The following TBX19 variants were observed in gnomAD, a reference collection of about 807,000 sequenced individuals.
TBX19 encodes the protein T-box transcription factor TBX19.
A neutral mutation model predicts 40.9 loss-of-function variants in TBX19; 33 were observed. The observed-to-expected ratio is 0.81, with a 90% CI of 0.61 to 1.08. The LOEUF (loss-of-function observed/expected upper bound fraction) is 1.08, where lower values mean the gene tolerates loss of function less well. Ranked by LOEUF, TBX19 falls within the 50% of genes least tolerant of loss-of-function variation. The pLI is 0.00. For missense variants in TBX19, 494 were observed against 574.0 expected (o/e 0.86, Z 1.42); for synonymous variants, 220 against 225.0 (o/e 0.98, Z 0.20).
intron 6 of TBX19, among the ~76,000 whole-genome samples, chr1:168,306,946 G>T (rs1649418436): frequency 6.6e-6 from 1 of 152,212 alleles, no homozygotes; most frequent in Non-Finnish European, 1.5e-5. Flanking sequence ...TTTAAATGGA[G>T]CCTTGAAAGA....
chr1:168,289,588 T>C (rs1176727009), intron 1 of TBX19, among the ~76,000 whole-genome samples: 2 of 152,234 alleles, frequency 1.3e-5, no homozygotes, highest in Non-Finnish European at 2.9e-5. Flanking sequence ...ATACTTGTCC[T>C]AGCCTCCCAT....
chr1:168,288,021 T>C (rs1278072811), intron 1 of TBX19, among the ~76,000 whole-genome samples: 1 of 152,196 alleles, frequency 6.6e-6, no homozygotes, highest in Non-Finnish European at 1.5e-5. Flanking sequence ...TGTATTTCAC[T>C]TAAGTGAAAT....
chr1:168,313,026 C>T lies in TBX19; in HGVS notation c.*24C>T. On this transcript the variant is annotated 3_prime_UTR_variant, in exon 8 of 8. Coordinates refer to ENST00000367821, the MANE Select transcript of TBX19 (RefSeq NM_005149.3). ...AAGCAGGATCCTAGGAGCCTCTTTG[C>T]ACAGCGATCCTTCCATGTGTAGAGT... The T allele has an allele frequency of 6.2e-7, 1 of 1,613,666 alleles. No homozygotes were observed.
At chr1:168,283,379 A>G (rs899676797) in intron 1 of TBX19, among the ~76,000 whole-genome samples, 8 of 152,228 alleles carry the variant, frequency 5.3e-5, no homozygotes, top group Admixed American at 2.6e-4. Context: ...TTGCCAGGAG[A>G]TAGAAAGTTT....
At position 168,294,307 on chromosome 1, in the gene TBX19, A is replaced by G. The variant is rs185274242; in HGVS notation, c.603+1029A>G. 2.1e-3 allele frequency among the ~76,000 whole-genome samples: 316 copies of G among 151,906 alleles called. 4 individuals are homozygous for G. Among genetic ancestry groups the G allele is most frequent in the Middle Eastern group, 6.9e-3 (2 of 288 alleles). On this transcript the variant is annotated intron_variant, in intron 3 of 7. Coordinates refer to ENST00000367821, the MANE Select transcript of TBX19 (RefSeq NM_005149.3). Reference sequence around the variant, plus strand: ...TATTTCACGTAATCAGCCCCCCACCAATGGACATTTAAGTTGTTTCCAACT... The same window carrying G: ...TATTTCACGTAATCAGCCCCCCACCGATGGACATTTAAGTTGTTTCCAACT...
chr1:168,297,854 A>G (rs35031496), intron 4 of TBX19, 69 bp downstream of exon 4: 80,317 of 1,367,934 alleles, frequency 0.059, 2,841 homozygotes, highest in East Asian at 0.15. Context: ...GGAATTTATG[A>G]TTATCTTGAA....
intron 4 of TBX19, among the ~76,000 whole-genome samples, chr1:168,298,182 C>A (rs537434715): frequency 2.0e-5 from 3 of 151,992 alleles, no homozygotes; most frequent in African/African-American, 4.8e-5. Context: ...GGCGACAGAG[C>A]GAGACTCCGT....
At chr1:168,305,651 A>G (rs1649388199) in intron 6 of TBX19, among the ~76,000 whole-genome samples, 1 of 152,190 alleles carries the variant, frequency 6.6e-6, no homozygotes, top group Admixed American at 6.5e-5. Context: ...CTGGATCCCT[A>G]TATGTTCAGG....
At chr1:168,295,247 C>T (rs897527028) in intron 3 of TBX19, among the ~76,000 whole-genome samples, 7 of 151,758 alleles carry the variant, frequency 4.6e-5, no homozygotes, top group Non-Finnish European at 7.4e-5. Flanking sequence ...GCCGAGATTG[C>T]GCCACTGCAC....
At chr1:168,307,965 A>G (rs889855734) in intron 6 of TBX19, 1 of 152,132 alleles carries the variant, frequency 6.6e-6, no homozygotes, top group African/African-American at 2.4e-5. Flanking sequence ...CTCTAGACTT[A>G]TTCATCCTAC....
intron 6 of TBX19, 90 bp from the exon 7 acceptor site, chr1:168,308,652 G>A (rs1649459254): frequency 2.0e-6 from 3 of 1,510,456 alleles, no homozygotes; most frequent in Non-Finnish European, 2.8e-6. Flanking sequence ...TGCAAGCCAT[G>A]GTTATATTTT....
At chr1:168,291,064 C>T in intron 1 of TBX19, 96 bp from the exon 2 acceptor site, 1 of 1,549,706 alleles carries the variant, frequency 6.5e-7, no homozygotes, top group South Asian at 1.1e-5. Flanking sequence ...CCTCACAGGG[C>T]ATTCCGTGGA....
At chr1:168,297,915 G>C (rs116692676) in intron 4 of TBX19, 130 bp downstream of exon 4, 6 of 841,126 alleles carry the variant, frequency 7.1e-6, no homozygotes, top group South Asian at 4.4e-5. Context: ...ATAGGCTTTC[G>C]GCCAGGTGCG....
chr1:168,310,925 C>T (rs995747398), intron 7 of TBX19, among the ~76,000 whole-genome samples: 1 of 147,192 alleles, frequency 6.8e-6, no homozygotes, highest in Admixed American at 6.8e-5. Context: ...TATATATTTA[C>T]ATCAAATGCA....
intron 1 of TBX19, 127 bp from the exon 2 acceptor site, chr1:168,291,033 T>C (rs1648924132): frequency 8.3e-7 from 1 of 1,205,558 alleles, no homozygotes; most frequent in African/African-American, 1.5e-5. Flanking sequence ...GTTGTGGACT[T>C]GGGCCCTGTT....
At chr1:168,299,394 A>C (rs934424191) in intron 4 of TBX19, among the ~76,000 whole-genome samples, 20 of 152,278 alleles carry the variant, frequency 1.3e-4, no homozygotes, top group African/African-American at 4.8e-4. Context: ...TTCACCTTAA[A>C]GGCTCTGATA....
intron 7 of TBX19, 34 bp from the exon 8 acceptor site, chr1:168,312,674 A>G: frequency 6.2e-7 from 1 of 1,604,378 alleles, no homozygotes; most frequent in Non-Finnish European, 8.5e-7. Flanking sequence ...AGTGCCAGTG[A>G]ACATTCCCTT....
chr1:168,284,258 T>G (rs1157677069), intron 1 of TBX19, among the ~76,000 whole-genome samples: 1 of 152,260 alleles, frequency 6.6e-6, no homozygotes, highest in East Asian at 1.9e-4. Flanking sequence ...TAATACCTCC[T>G]TAGAGCTCAT....
At chr1:168,298,112 C>T (rs554872536) in intron 4 of TBX19, among the ~76,000 whole-genome samples, 17 of 152,252 alleles carry the variant, frequency 1.1e-4, no homozygotes, top group Admixed American at 1.0e-3. Context: ...AGGAGAATGG[C>T]GTGAACCCGG....
Sources: allele counts gnomAD v4.1 joint callset (sites outside exome capture counted in the v4.1 genomes callset), GRCh38; gene constraint gnomAD v4.1.1; transcripts MANE v1.5; gene names NCBI Gene and HGNC (gene_info 2026-07-23, HGNC 2026-07-21).